The following TSR2 variants were observed in gnomAD, a reference collection of about 807,000 sequenced individuals.
The protein encoded by TSR2 is TSR2 ribosome maturation factor.
In TSR2, 1 loss-of-function variant was observed where a neutral mutation model predicts 13.3. The ratio of observed to expected loss-of-function variants is 0.08; its 90% CI spans 0.03 to 0.36. TSR2 has a LOEUF of 0.36. Ranked by LOEUF, TSR2 falls within the 10% of genes least tolerant of loss-of-function variation. The pLI, the probability that TSR2 is intolerant of heterozygous loss-of-function variation, is 0.99. For missense variants in TSR2, 120 were observed against 151.1 expected (o/e 0.79, Z 1.08); for synonymous variants, 60 against 57.7 (o/e 1.04, Z -0.18).
Position 54,444,126 on chromosome X carries a change from A to G in TSR2, c.383A>G (p.Lys128Arg). 8.3e-7 allele frequency: 1 copy of G among 1,211,814 alleles called. No homozygotes were observed. The highest frequency in any genetic ancestry group is 1.1e-6 in the Non-Finnish European group (1 of 895,527). ...TGCAAGGTCACAGCCACTGCACTTAAGACAGCTAGAGAGACTGATGAGGAT... is the reference window on the plus strand; with the variant it reads ...TGCAAGGTCACAGCCACTGCACTTAGGACAGCTAGAGAGACTGATGAGGAT... ...RKCKVTATAL[K>R]TARETDEDED... The change falls in exon 4 of 5, where the codon AAG becomes AGG. Residue 128 changes from lysine (K) to arginine (R), a missense_variant. Lys to Arg is a conservative substitution (Grantham distance 26). Around this residue, in one of 3 missense-constraint regions of TSR2, gnomAD observed 55 missense variants for 61.3 expected, o/e 0.90. Transcript: ENST00000375151.
chrX:54,440,557 G>A (rs1442726680), intron 1 of TSR2, 55 bp downstream of exon 1: 1 of 1,136,440 alleles, frequency 8.8e-7, no homozygotes, highest in African/African-American at 1.8e-5. Context: ...GGCAGAACAG[G>A]AGTTGGTTGG....
Position 54,446,721 on chromosome X carries a change from CTTTTTT to C in TSR2, c.*2186_*2191del, listed in dbSNP as rs1226487472. On this transcript the variant is annotated 3_prime_UTR_variant, in exon 5 of 5. Coordinates refer to ENST00000375151, the MANE Select transcript of TSR2 (RefSeq NM_058163.3). ...CTATGCTATTGCCCCTATCTGCATA[CTTTTTT>C]TTTTTTTTTTTTTTGAGACAGAGTC... Among the ~76,000 whole-genome samples, 5,871 of 87,591 alleles carry C rather than the reference CTTTTTT, an allele frequency of 0.067. 220 individuals are homozygous for C. The highest frequency in any genetic ancestry group is 0.099 in the Non-Finnish European group (4,446 of 45,018). 76.1% of individuals were successfully genotyped at this position (87,591 alleles called of 115,157 possible). A position where few individuals can be genotyped will look rare whatever the true frequency, so the allele number is the denominator to read the frequency against.
intron 1 of TSR2, 62 bp downstream of exon 1, chrX:54,440,564 T>C: frequency 8.9e-7 from 1 of 1,129,644 alleles, no homozygotes; most frequent in Non-Finnish European, 1.2e-6. Flanking sequence ...CAGGAGTTGG[T>C]TGGGCTAGGT....
chrX:54,446,548 G>A lies in TSR2; in HGVS notation c.*1998G>A, dbSNP rs1013859635. ...ACTCCCCTACTCAGGAACCTTCCGT[G>A]GCTCCAGTGTTATCAACAGGAACAT... On this transcript the variant is annotated 3_prime_UTR_variant, in exon 5 of 5. Coordinates refer to ENST00000375151, the MANE Select transcript of TSR2 (RefSeq NM_058163.3). 8 of 562,463 alleles carry A rather than the reference G, an allele frequency of 1.4e-5. No individual in the cohort carries two copies. Among genetic ancestry groups the A allele is most frequent in the Non-Finnish European group, 2.2e-5 (8 of 355,966 alleles). The allele number at this position is 562,463 out of a possible 1,213,427, so 46.4% of individuals were successfully genotyped here.
Position 54,445,505 on chromosome X carries a change from CAAAA to C in TSR2, c.*959_*962del, listed in dbSNP as rs1227737703. 3 of 109,006 alleles carry C rather than the reference CAAAA, an allele frequency of 2.8e-5. No homozygotes were observed. The highest frequency in any genetic ancestry group is 6.8e-5 in the African/African-American group (2 of 29,610). 9.0% of individuals were successfully genotyped at this position (109,006 alleles called of 1,213,427 possible). ...TTTTTCTTAAAAAAAAAAAAACACACAAAAAAACACAAAAAACTGAGTATCCATT... is the reference window on the plus strand; with the variant it reads ...TTTTTCTTAAAAAAAAAAAAACACACAAACACAAAAAACTGAGTATCCATT... On this transcript the variant is annotated 3_prime_UTR_variant, in exon 5 of 5. Transcript: ENST00000375151.
chrX:54,447,405 T>C lies in TSR2; in HGVS notation c.*2855T>C. The C allele has an allele frequency of 8.3e-7, 1 of 1,211,108 alleles. No homozygotes were observed. Among genetic ancestry groups the C allele is most frequent in the Non-Finnish European group, 1.1e-6 (1 of 895,008 alleles). Reference sequence around the variant, plus strand: ...TCCTTTGCCACCCTTCTCCATGTAGTGCAGGAAGCTGCAGATGACGCTGTT... The same window carrying C: ...TCCTTTGCCACCCTTCTCCATGTAGCGCAGGAAGCTGCAGATGACGCTGTT... On this transcript the variant is annotated 3_prime_UTR_variant, in exon 5 of 5. Transcript: ENST00000375151.
In TSR2 at chrX:54,447,266, G is replaced by C; in HGVS notation, c.*2716G>C. 1 of 1,199,732 alleles carries C rather than the reference G, an allele frequency of 8.3e-7. No homozygotes were observed. Among genetic ancestry groups the C allele is most frequent in the Non-Finnish European group, 1.1e-6 (1 of 884,811 alleles). On this transcript the variant is annotated 3_prime_UTR_variant, in exon 5 of 5. Transcript: ENST00000375151. ...AAGGAGAGGTCAAGGACTGGATCTG[G>C]CTTTGCCAGGTGGCTGAAAGGACCC...
chrX:54,440,547 G>C (rs1456216200), intron 1 of TSR2, 45 bp downstream of exon 1: 1 of 1,138,865 alleles, frequency 8.8e-7, no homozygotes, highest in East Asian at 3.2e-5. Flanking sequence ...TAGGGCCCGG[G>C]GCAGAACAGG....
intron 1 of TSR2, 70 bp from the exon 2 acceptor site, chrX:54,440,620 G>A (rs777024740): frequency 1.7e-6 from 2 of 1,146,300 alleles, no homozygotes; most frequent in African/African-American, 3.6e-5. Flanking sequence ...GCTGGGCGGC[G>A]TAAGCGGCCT....
Position 54,446,983 on chromosome X carries a change from C to CG in TSR2, c.*2433_*2434insG, listed in dbSNP as rs1922218115. On this transcript the variant is annotated 3_prime_UTR_variant, in exon 5 of 5. Transcript: ENST00000375151. Reference sequence around the variant, plus strand: ...AGGTGAGCCACCTGCCTCGGCCTCTCAGAGTGCTGGGATTACAGGCGTGAG... The same window carrying CG: ...AGGTGAGCCACCTGCCTCGGCCTCTCGAGAGTGCTGGGATTACAGGCGTGAG... 9.0e-6 allele frequency among the ~76,000 whole-genome samples: 1 copy of CG among 111,218 alleles called. No homozygotes were observed. The highest frequency in any genetic ancestry group is 3.3e-5 in the African/African-American group (1 of 30,564).
intron 2 of TSR2, among the ~76,000 whole-genome samples, chrX:54,441,965 A>G (rs1360167460): frequency 8.9e-6 from 1 of 112,203 alleles, no homozygotes; most frequent in African/African-American, 3.2e-5. Context: ...ACTCATGAAC[A>G]TATTAAAGGC....
At chrX:54,440,900 G>A (rs1222441495) in intron 2 of TSR2, 120 bp downstream of exon 2, 27 of 502,488 alleles carry the variant, frequency 5.4e-5, no homozygotes, top group Non-Finnish European at 8.6e-5. Context: ...AGGTGAGGTG[G>A]AATGAATTCA....
Position 54,447,704 on chromosome X carries a change from C to G in TSR2, c.*3154C>G, listed in dbSNP as rs1922262239. 1.8e-5 allele frequency among the ~76,000 whole-genome samples: 2 copies of G among 112,556 alleles called. No homozygotes were observed. Among genetic ancestry groups the G allele is most frequent in the Non-Finnish European group, 3.8e-5 (2 of 53,329 alleles). On this transcript the variant is annotated 3_prime_UTR_variant, in exon 5 of 5. Coordinates refer to ENST00000375151, the MANE Select transcript of TSR2 (RefSeq NM_058163.3). ...AGGCCAGTGGAAGGAGTGTGCGGAT[C>G]TCAGGCATTCTTTCTTCAGTCAGAG...
rs1234218302 is a variant in TSR2, at chrX:54,444,533, G to A, written c.559G>A (p.Val187Ile). The change falls in exon 5 of 5, where the codon GTC (valine) becomes ATC (isoleucine). Residue 187 changes from valine (V) to isoleucine (I), a missense_variant. By Grantham distance (29) the Val-to-Ile change is conservative (BLOSUM62 3). Transcript: ENST00000375151. ...TATAGTGGAAGATGGCTGGACCATT[G>A]TCCGGAGAAAAAAATGAGTGGGGAT... ...EDIVEDGWTIVRRKK is the reference protein window; with the variant it reads ...EDIVEDGWTIIRRKK 17 of 1,208,075 alleles carry A rather than the reference G, an allele frequency of 1.4e-5. No homozygotes were observed. The highest frequency in any genetic ancestry group is 1.9e-5 in the Non-Finnish European group (17 of 894,501).
Position 54,444,728 on chromosome X carries a change from G to T in TSR2, c.*178G>T. ...AAAACCTAGGGTCCTTGGTCTTGGGGGTGGGGGGACCTTTTCCAGCATATT... is the reference window on the plus strand; with the variant it reads ...AAAACCTAGGGTCCTTGGTCTTGGGTGTGGGGGGACCTTTTCCAGCATATT... On this transcript the variant is annotated 3_prime_UTR_variant, in exon 5 of 5. Transcript: ENST00000375151. The T allele has an allele frequency of 2.4e-6, 1 of 424,293 alleles. No homozygotes were observed. Among genetic ancestry groups the T allele is most frequent in the South Asian group, 5.6e-5 (1 of 17,792 alleles). 35.0% of individuals were successfully genotyped at this position (424,293 alleles called of 1,213,427 possible).
Position 54,446,364 on chromosome X carries a change from C to T in TSR2, c.*1814C>T, listed in dbSNP as rs370717352. ...TGTCAGGCCGCTCCCCTGCCTCGGG[C>T]GGTCCCACCTCGAAGCCAATGAGGG... is the stretch of plus-strand genomic sequence containing the variant. On this transcript the variant is annotated 3_prime_UTR_variant, in exon 5 of 5. Coordinates refer to ENST00000375151, the MANE Select transcript of TSR2 (RefSeq NM_058163.3). 183 of 1,209,418 alleles carry T rather than the reference C, an allele frequency of 1.5e-4. No homozygotes were observed. The highest frequency in any genetic ancestry group is 1.9e-4 in the Non-Finnish European group (173 of 894,777).
Position 54,445,786 on chromosome X carries a change from A to C in TSR2, c.*1236A>C. ...TCCTACCTCTGGTGCTTTGTGGGGA[A>C]CTGGGTGGAGGCAGGATCTGTGGTA... On this transcript the variant is annotated 3_prime_UTR_variant, in exon 5 of 5. Coordinates refer to ENST00000375151, the MANE Select transcript of TSR2 (RefSeq NM_058163.3). 4 of 215,309 alleles carry C rather than the reference A, an allele frequency of 1.9e-5. No individual in the cohort carries two copies. Among genetic ancestry groups the C allele is most frequent in the Non-Finnish European group, 3.3e-5 (4 of 121,830 alleles). 17.7% of individuals were successfully genotyped at this position (215,309 alleles called of 1,213,427 possible). A position where few individuals can be genotyped will look rare whatever the true frequency, so the allele number is the denominator to read the frequency against.
Position 54,447,920 on chromosome X carries a change from C to CT in TSR2, c.*3371dup, listed in dbSNP as rs1922272773. On this transcript the variant is annotated 3_prime_UTR_variant, in exon 5 of 5. Coordinates refer to ENST00000375151, the MANE Select transcript of TSR2 (RefSeq NM_058163.3). ...GTATTGACTTGGAGAGCAAAGAGAG[C>CT]TGATGTGAGAATTAAATGAATTAAT... Among the ~76,000 whole-genome samples the CT allele has an allele frequency of 9.0e-6, 1 of 111,698 alleles. No homozygotes were observed. Among genetic ancestry groups the CT allele is most frequent in the Non-Finnish European group, 1.9e-5 (1 of 53,220 alleles).
rs200868125 is a variant in TSR2, at chrX:54,444,478, T to A, written c.504T>A (p.Asp168Glu). 8.3e-7 allele frequency: 1 copy of A among 1,210,265 alleles called. No individual in the cohort carries two copies. Residue 168 changes from aspartate (D) to glutamate (E), a missense_variant, in exon 5 of 5, where the codon GAT becomes GAA. Transcript: ENST00000375151. ...DGVCPQPEPS[D>E]PDAQTIKEED... ...TCTGCCCCCAGCCTGAACCCTCTGATCCAGACGCTCAGACTATTAAGGAAG... is the reference window on the plus strand; with the variant it reads ...TCTGCCCCCAGCCTGAACCCTCTGAACCAGACGCTCAGACTATTAAGGAAG...
Sources: allele counts gnomAD v4.1 joint callset (sites outside exome capture counted in the v4.1 genomes callset), GRCh38; gene constraint gnomAD v4.1.1; regional missense constraint gnomAD v4.1.1; transcripts MANE v1.5; gene names NCBI Gene and HGNC (gene_info 2026-07-23, HGNC 2026-07-21).